PARVA: variants seen among roughly 807,000 people sequenced by gnomAD.
PARVA encodes the protein parvin alpha, also known as alpha-parvin.
PARVA carries 25 observed loss-of-function variants against 52.6 expected under a neutral mutation model. The observed-to-expected ratio is 0.48, with a 90% CI of 0.35 to 0.66. The LOEUF (loss-of-function observed/expected upper bound fraction) is 0.66, where lower values mean the gene tolerates loss of function less well. Ranked by LOEUF, PARVA falls within the 30% of genes least tolerant of loss-of-function variation. The pLI, the probability that PARVA is intolerant of heterozygous loss-of-function variation, is 0.01. For missense variants in PARVA, 373 were observed against 450.9 expected, an observed-to-expected ratio of 0.83 and a Z score of 1.56; for synonymous variants, 185 against 179.1, an observed-to-expected ratio of 1.03 and a Z score of -0.26.
At chr11:12,461,830 A>G (rs961990242) in intron 1 of PARVA, among the ~76,000 whole-genome samples, 1 of 152,176 alleles carries the variant, frequency 6.6e-6, no homozygotes, top group Non-Finnish European at 1.5e-5. Context: ...CTCCCATCAC[A>G]ACACCGCCTC....
rs565078800 is a variant in PARVA at position 12,497,763 on chromosome 11, AG to A, written c.541+1166del. ...TGTTTCACTGTGTTCCAGGAATGCTAGTATTGTCAATGGGGGAGAACAAGGC... is the reference window on the plus strand; with the variant it reads ...TGTTTCACTGTGTTCCAGGAATGCTATATTGTCAATGGGGGAGAACAAGGC... On this transcript the variant is annotated intron_variant, in intron 5 of 12. Transcript: ENST00000334956. Among the ~76,000 whole-genome samples the A allele has an allele frequency of 1.5e-3, 223 of 152,290 alleles. 1 individual carries two copies. The highest frequency in any genetic ancestry group is 5.2e-3 in the African/African-American group (215 of 41,568).
At chr11:12,449,311 C>G (rs1940592287) in intron 1 of PARVA, among the ~76,000 whole-genome samples, 1 of 151,984 alleles carries the variant, frequency 6.6e-6, no homozygotes, top group African/African-American at 2.4e-5. Context: ...GTGTGCACCA[C>G]CATGCCTGGC....
intron 1 of PARVA, among the ~76,000 whole-genome samples, chr11:12,458,258 A>C (rs1398469598): frequency 6.6e-6 from 1 of 152,238 alleles, no homozygotes; most frequent in Non-Finnish European, 1.5e-5. Flanking sequence ...ATGAATGGAC[A>C]GTCCTCGGCG....
chr11:12,521,767 C>T (rs1320217037), intron 12 of PARVA, among the ~76,000 whole-genome samples: 1 of 152,266 alleles, frequency 6.6e-6, no homozygotes, highest in East Asian at 1.9e-4. Context: ...GAAAGGCTCA[C>T]CCAACCATTG....
chr11:12,506,854 G>A (rs1478035780), intron 6 of PARVA, among the ~76,000 whole-genome samples: 2 of 152,134 alleles, frequency 1.3e-5, no homozygotes, highest in Non-Finnish European at 2.9e-5. Flanking sequence ...TGTGTGAGGG[G>A]TTATTGAACC....
In PARVA at chr11:12,501,944, G is replaced by A. The variant is rs944223708; in HGVS notation, c.542-2370G>A. On this transcript the variant is annotated intron_variant, in intron 5 of 12. Coordinates refer to ENST00000334956, the MANE Select transcript of PARVA (RefSeq NM_018222.5). Reference sequence around the variant, plus strand: ...TTATATTTTGCCATTAAAGGGGAGAGGGGTAGCAAATGTTCTTACAACCCT... The same window carrying A: ...TTATATTTTGCCATTAAAGGGGAGAAGGGTAGCAAATGTTCTTACAACCCT... Among the ~76,000 whole-genome samples, 3 of 152,146 alleles carry A rather than the reference G, an allele frequency of 2.0e-5. No homozygotes were observed. The East Asian group carries it at 5.8e-4, about 29-fold the overall frequency.
At chr11:12,494,330 G>A (rs778866122) in intron 4 of PARVA, among the ~76,000 whole-genome samples, 10 of 152,144 alleles carry the variant, frequency 6.6e-5, no homozygotes, top group African/African-American at 1.7e-4. Context: ...CTCATGGGTC[G>A]GGGGTATGAG....
At chr11:12,401,211 C>T (rs16911256) in intron 1 of PARVA, among the ~76,000 whole-genome samples, 2,984 of 152,242 alleles carry the variant, frequency 0.02, 75 homozygotes, top group African/African-American at 0.057. Flanking sequence ...GAATCTGCAG[C>T]GACCTCACAG....
chr11:12,445,287 C>G (rs1940528998), intron 1 of PARVA, among the ~76,000 whole-genome samples: 1 of 151,916 alleles, frequency 6.6e-6, no homozygotes, highest in Non-Finnish European at 1.5e-5. Flanking sequence ...GCTCCTAAGC[C>G]TGAAACGGGA....
intron 12 of PARVA, among the ~76,000 whole-genome samples, chr11:12,525,704 T>C (rs1328054940): frequency 1.3e-5 from 2 of 152,032 alleles, no homozygotes; most frequent in African/African-American, 4.8e-5. Flanking sequence ...GGACTCAGCC[T>C]CAGGCCAGGG....
At chr11:12,485,958 A>G (rs1009463203) in intron 4 of PARVA, among the ~76,000 whole-genome samples, 2 of 152,244 alleles carry the variant, frequency 1.3e-5, no homozygotes, top group African/African-American at 4.8e-5. Flanking sequence ...AAAAACCATC[A>G]CAGAACAGAG....
chr11:12,511,640 G>A (rs190940263), intron 8 of PARVA, 107 bp downstream of exon 8: 19 of 1,193,736 alleles, frequency 1.6e-5, no homozygotes, highest in African/African-American at 4.5e-5. Flanking sequence ...CTGGATATAC[G>A]TCTTCACCAG....
At chr11:12,428,718 G>C (rs941804919) in intron 1 of PARVA, among the ~76,000 whole-genome samples, 3 of 152,140 alleles carry the variant, frequency 2.0e-5, no homozygotes, top group African/African-American at 7.2e-5. Flanking sequence ...ATTGACTAGC[G>C]GAGCAAATAC....
upstream of PARVA, among the ~76,000 whole-genome samples, chr11:12,376,909 ATTCATGT>A (rs1450228177): frequency 6.6e-6 from 1 of 152,160 alleles, no homozygotes; most frequent in African/African-American, 2.4e-5. Context: ...TGCTTTTCCC[ATTCATGT>A]TTCCACCACC....
At chr11:12,527,151 A>T (rs1438748328) in intron 12 of PARVA, among the ~76,000 whole-genome samples, 2 of 152,204 alleles carry the variant, frequency 1.3e-5, no homozygotes, top group African/African-American at 4.8e-5. Flanking sequence ...GATACACTAA[A>T]CTTTCCACAT....
At chr11:12,377,459 G>A (rs1391446691), upstream of PARVA, 9 of 1,403,508 alleles carry the variant, frequency 6.4e-6, no homozygotes, top group East Asian at 3.0e-5. Flanking sequence ...TTCCAGGGCA[G>A]AGGGCGGCGC....
At chr11:12,388,050 A>C (rs2134950360) in intron 1 of PARVA, among the ~76,000 whole-genome samples, 1 of 152,166 alleles carries the variant, frequency 6.6e-6, no homozygotes, top group East Asian at 1.9e-4. Context: ...TCCTCACTAA[A>C]GTGCAAAGTG....
At chr11:12,485,450 G>A (rs1395372910) in intron 4 of PARVA, among the ~76,000 whole-genome samples, 1 of 152,100 alleles carries the variant, frequency 6.6e-6, no homozygotes, top group Non-Finnish European at 1.5e-5. Context: ...GCATCTTGCA[G>A]TACCAAAAAG....
At position 12,518,299 on chromosome 11, in the gene PARVA, G is replaced by T. The variant is rs796642108; in HGVS notation, c.970-146G>T. 3 of 650,154 alleles carry T rather than the reference G, an allele frequency of 4.6e-6. No individual in the cohort carries two copies. The South Asian group carries it at 5.7e-5, about 12-fold the overall frequency. The allele number at this position is 650,154 out of a possible 1,614,324, so 40.3% of individuals were successfully genotyped here. On this transcript the variant is annotated intron_variant, in intron 11 of 12. Coordinates refer to ENST00000334956, the MANE Select transcript of PARVA (RefSeq NM_018222.5). ...AGCTAGCTCACGCTCCAGGTGGCCT[G>T]CCCATTTTGGTAGCCATATTTCTCC...
Sources: gnomAD v4.1 joint callset for allele counts (sites outside exome capture counted in the v4.1 genomes callset) on GRCh38, gnomAD v4.1.1 for gene constraint, MANE v1.5 for transcripts, NCBI Gene and HGNC (gene_info 2026-07-23, HGNC 2026-07-21) for gene names.